The following ADD2 variants were observed in gnomAD, a reference collection of about 807,000 sequenced individuals.
ADD2 encodes adducin 2.
Under a neutral mutation model 83.0 loss-of-function variants are expected in ADD2, and 23 were observed. The ratio of observed to expected loss-of-function variants is 0.28; its 90% confidence interval spans 0.20 to 0.39. The LOEUF (loss-of-function observed/expected upper bound fraction) is 0.39. Among genes scored for constraint, ADD2 ranks in the 10% least tolerant of loss-of-function variants. ADD2 has a pLI of 1.00. For missense variants in ADD2, 758 were observed against 944.9 expected (o/e 0.80, Z 2.59); for synonymous variants, 375 against 375.4 (o/e 1.00, Z 0.01).
At chr2:70,737,788 C>T (rs1236833101) in intron 1 of ADD2, among the ~76,000 whole-genome samples, 2 of 151,994 alleles carry the variant, frequency 1.3e-5, no homozygotes, top group Non-Finnish European at 2.9e-5. Context: ...CATCCAAGTC[C>T]CCCTGTTCTG....
At chr2:70,695,920 C>G in intron 5 of ADD2, 119 bp from the exon 6 acceptor site, 3 of 817,034 alleles carry the variant, frequency 3.7e-6, no homozygotes, top group South Asian at 1.6e-5. Flanking sequence ...TCTAATGAAC[C>G]CTTATCTCTC....
chr2:70,687,247 A>G (rs1553370683), intron 9 of ADD2: 2 of 152,624 alleles, frequency 1.3e-5, no homozygotes, highest in African/African-American at 4.8e-5. Flanking sequence ...TCTGGTTAAT[A>G]AGGTCTTTTC....
At chr2:70,697,266 C>T (rs1671358372) in intron 4 of ADD2, among the ~76,000 whole-genome samples, 1 of 152,234 alleles carries the variant, frequency 6.6e-6, no homozygotes, top group South Asian at 2.1e-4. Context: ...GGCCAGAGGC[C>T]TCAGGCAGGG....
At chr2:70,664,377 C>T (rs782770845) in intron 15 of ADD2, among the ~76,000 whole-genome samples, 2 of 152,146 alleles carry the variant, frequency 1.3e-5, no homozygotes, top group East Asian at 1.9e-4. Context: ...GGGAATCTGT[C>T]GGGATCGCGG....
chr2:70,764,398 G>T (rs1305087436), intron 1 of ADD2, among the ~76,000 whole-genome samples: 1 of 151,846 alleles, frequency 6.6e-6, no homozygotes, highest in Non-Finnish European at 1.5e-5. Flanking sequence ...AGCAGTGGTC[G>T]CCAGGAGCTG....
chr2:70,762,670 G>C (rs1553385228), intron 1 of ADD2, among the ~76,000 whole-genome samples: 2 of 149,114 alleles, frequency 1.3e-5, no homozygotes, highest in East Asian at 1.9e-4. Context: ...CATGCTAAAG[G>C]ACATAGCAAA....
At chr2:70,763,306 A>G (rs1484433859) in intron 1 of ADD2, among the ~76,000 whole-genome samples, 1 of 151,928 alleles carries the variant, frequency 6.6e-6, no homozygotes, top group Admixed American at 6.5e-5. Flanking sequence ...GAAGACAGGC[A>G]GTTTTTCATA....
intron 1 of ADD2, among the ~76,000 whole-genome samples, chr2:70,765,392 T>A (rs1553385827): frequency 6.6e-6 from 1 of 150,756 alleles, no homozygotes; most frequent in Non-Finnish European, 1.5e-5. Flanking sequence ...AGAATTGTTG[T>A]GTTTTTATGT....
chr2:70,706,853 G>T lies in ADD2; in HGVS notation c.-34-411C>A, dbSNP rs566052888. Among the ~76,000 whole-genome samples the T allele has an allele frequency of 3.3e-5, 5 of 152,202 alleles. No homozygotes were observed. The South Asian group carries it at 8.3e-4, about 25-fold the overall frequency. Reference sequence around the variant, plus strand: ...TCTAAAATGGAAACCCTCTAATAAGGCCCCTCAAAAATTATGGTGGAAATA... The same window carrying T: ...TCTAAAATGGAAACCCTCTAATAAGTCCCCTCAAAAATTATGGTGGAAATA... On this transcript the variant is annotated intron_variant, in intron 2 of 15. Transcript: ENST00000264436. The surrounding 1 kb of genome is among the most constrained non-coding windows in gnomAD (Gnocchi z 5.0).
At chr2:70,735,410 G>C (rs1176584239) in intron 1 of ADD2, among the ~76,000 whole-genome samples, 2 of 152,132 alleles carry the variant, frequency 1.3e-5, no homozygotes, top group Non-Finnish European at 2.9e-5. Flanking sequence ...CAAATTTAAA[G>C]TATCTCAAGT....
intron 2 of ADD2, among the ~76,000 whole-genome samples, chr2:70,708,685 A>G (rs1672025961): frequency 6.6e-6 from 1 of 152,166 alleles, no homozygotes; most frequent in African/African-American, 2.4e-5. Flanking sequence ...ATGTTACATT[A>G]AGTTTGGCCT....
Position 70,676,349 on chromosome 2 carries a change from C to G in ADD2, c.1593+447G>C, listed in dbSNP as rs1670136272. The G allele has an allele frequency of 9.5e-7, 1 of 1,055,484 alleles. No homozygotes were observed. The highest frequency in any genetic ancestry group is 1.7e-5 in the African/African-American group (1 of 60,354). 65.4% of individuals were successfully genotyped at this position (1,055,484 alleles called of 1,614,324 possible). ...TGGGTCCTGTCTATATACCCCTTCT[C>G]TATGGGTACATGATCATCTTTCCAG... On this transcript the variant is annotated intron_variant, in intron 13 of 15. Transcript: ENST00000264436. The surrounding 1 kb of genome is among the most constrained non-coding windows in gnomAD (Gnocchi z 4.8).
intron 1 of ADD2, among the ~76,000 whole-genome samples, chr2:70,731,500 G>A (rs1673280439): frequency 6.6e-6 from 1 of 152,178 alleles, no homozygotes. Flanking sequence ...TCACTAGACT[G>A]GAAGTTTTAA....
At chr2:70,732,748 G>T (rs1441262773) in intron 1 of ADD2, among the ~76,000 whole-genome samples, 4 of 152,196 alleles carry the variant, frequency 2.6e-5, no homozygotes, top group African/African-American at 9.7e-5. Flanking sequence ...CTGTTTGCCT[G>T]GAGAAGTCAG....
At chr2:70,714,612 C>T (rs1037160276) in intron 1 of ADD2, among the ~76,000 whole-genome samples, 1 of 152,324 alleles carries the variant, frequency 6.6e-6, no homozygotes, top group Middle Eastern at 3.4e-3. Flanking sequence ...CATCCAGTGC[C>T]GGCTGAGCTC....
chr2:70,719,052 G>C (rs1412353172), intron 1 of ADD2, among the ~76,000 whole-genome samples: 2 of 152,222 alleles, frequency 1.3e-5, no homozygotes, highest in Non-Finnish European at 2.9e-5. Flanking sequence ...GCAAGGAAGA[G>C]AGTAGGCACC....
chr2:70,747,658 T>C (rs1239189571), intron 1 of ADD2, among the ~76,000 whole-genome samples: 2 of 152,230 alleles, frequency 1.3e-5, no homozygotes, highest in Non-Finnish European at 2.9e-5. Context: ...TGCCACAGCA[T>C]AGTCACTCAG....
intron 7 of ADD2, among the ~76,000 whole-genome samples, chr2:70,692,191 G>GA (rs1671074381): frequency 6.6e-6 from 1 of 152,218 alleles, no homozygotes; most frequent in Non-Finnish European, 1.5e-5. Context: ...GTATGTGGGG[G>GA]ATGCGATGGA....
At chr2:70,684,393 G>A (rs1166156031) in intron 9 of ADD2, among the ~76,000 whole-genome samples, 2 of 152,152 alleles carry the variant, frequency 1.3e-5, no homozygotes, top group African/African-American at 4.8e-5. Flanking sequence ...GACTACAGAT[G>A]TGCACTACCA....
Sources: allele counts gnomAD v4.1 joint callset (sites outside exome capture counted in the v4.1 genomes callset), GRCh38; gene constraint gnomAD v4.1.1; non-coding constraint Gnocchi (gnomAD v3.1); transcripts MANE v1.5; gene names NCBI Gene and HGNC (gene_info 2026-07-23, HGNC 2026-07-21).